The following PRRX1 variants were observed in gnomAD, a reference collection of about 807,000 sequenced individuals.
The protein encoded by PRRX1 is paired mesoderm homeobox protein 1.
In PRRX1, 8 loss-of-function variants were observed where a neutral mutation model predicts 24.0. That is an observed-to-expected ratio of 0.33 (90% CI 0.20 to 0.60). The LOEUF (loss-of-function observed/expected upper bound fraction) is 0.60, where lower values mean the gene tolerates loss of function less well. PRRX1 is among the 20% of genes least tolerant of loss of function. The pLI is 0.82. For synonymous variants in PRRX1, 160 were observed against 131.7 expected, an observed-to-expected ratio of 1.22 and a Z score of -1.47; for missense variants, 281 against 322.4, an observed-to-expected ratio of 0.87 and a Z score of 0.98.
chr1:170,701,308 G>C (rs1370398106), intron 1 of PRRX1, among the ~76,000 whole-genome samples: 3 of 151,970 alleles, frequency 2.0e-5, no homozygotes, highest in Non-Finnish European at 4.4e-5. Context: ...GCTCCTTGTG[G>C]GAAAGATTGA....
chr1:170,723,469 T>G (rs1469657984), intron 2 of PRRX1, among the ~76,000 whole-genome samples: 2 of 149,118 alleles, frequency 1.3e-5, no homozygotes, highest in Non-Finnish European at 2.9e-5. Flanking sequence ...CTCATCTCTC[T>G]CTTTCCAGCA....
At chr1:170,691,100 G>A (rs1653931329) in intron 1 of PRRX1, among the ~76,000 whole-genome samples, 1 of 152,134 alleles carries the variant, frequency 6.6e-6, no homozygotes, top group South Asian at 2.1e-4. Context: ...GCAAGGTAAT[G>A]TAGCCTTTCA....
chr1:170,689,618 A>C (rs1284901441), intron 1 of PRRX1, among the ~76,000 whole-genome samples: 2 of 152,036 alleles, frequency 1.3e-5, no homozygotes, highest in African/African-American at 2.4e-5. Flanking sequence ...TTTTTGTTTT[A>C]AACTTTCAGT....
intron 1 of PRRX1, among the ~76,000 whole-genome samples, chr1:170,673,029 A>AT (rs1653196366): frequency 6.6e-6 from 1 of 152,206 alleles, no homozygotes; most frequent in Non-Finnish European, 1.5e-5. Flanking sequence ...GCTGAGCTCA[A>AT]TTATATGTAA....
chr1:170,736,327 T>G lies in PRRX1; in HGVS notation c.*141T>G. 33 of 1,144,642 alleles carry G rather than the reference T, an allele frequency of 2.9e-5. No homozygotes were observed. Among genetic ancestry groups the G allele is most frequent in the Non-Finnish European group, 3.5e-5 (28 of 800,610 alleles). 70.9% of individuals were successfully genotyped at this position (1,144,642 alleles called of 1,614,324 possible). On this transcript the variant is annotated 3_prime_UTR_variant, in exon 4 of 4. Transcript: ENST00000239461. ...AAGCAGAACTAAAATATTGGGACCATGGCAGAGAAAAGCAGGAGAGGAGCA... is the reference window on the plus strand; with the variant it reads ...AAGCAGAACTAAAATATTGGGACCAGGGCAGAGAAAAGCAGGAGAGGAGCA...
chr1:170,694,449 CTA>C (rs1333444952), intron 1 of PRRX1, among the ~76,000 whole-genome samples: 1 of 152,030 alleles, frequency 6.6e-6, no homozygotes, highest in Non-Finnish European at 1.5e-5. Flanking sequence ...CTGTGAATGT[CTA>C]TGTGTATGTG....
chr1:170,710,944 A>G (rs2101911147), intron 1 of PRRX1, among the ~76,000 whole-genome samples: 1 of 152,326 alleles, frequency 6.6e-6, no homozygotes. Context: ...TGAGCTGACT[A>G]AGCCAACAAC....
At chr1:170,678,644 T>C (rs557623138) in intron 1 of PRRX1, among the ~76,000 whole-genome samples, 1 of 152,350 alleles carries the variant, frequency 6.6e-6, no homozygotes, top group Admixed American at 6.5e-5. Flanking sequence ...ACTGGGGATG[T>C]AGATAACTCT....
chr1:170,735,300 G>T (rs1420336888), intron 3 of PRRX1, among the ~76,000 whole-genome samples: 1 of 152,182 alleles, frequency 6.6e-6, no homozygotes, highest in Non-Finnish European at 1.5e-5. Flanking sequence ...GTGAGAAACA[G>T]TTACCTCTGA....
chr1:170,709,423 G>T (rs1378747795), intron 1 of PRRX1, among the ~76,000 whole-genome samples: 1 of 152,184 alleles, frequency 6.6e-6, no homozygotes, highest in Non-Finnish European at 1.5e-5. Context: ...GAGTGATTGG[G>T]TGAGAAATAA....
chr1:170,701,621 G>T (rs1294125910), intron 1 of PRRX1, among the ~76,000 whole-genome samples: 1 of 152,110 alleles, frequency 6.6e-6, no homozygotes, highest in African/African-American at 2.4e-5. Context: ...TTTAAGGAAA[G>T]ATTTTATTCG....
At chr1:170,720,699 A>G (rs1655054788) in intron 2 of PRRX1, among the ~76,000 whole-genome samples, 1 of 152,214 alleles carries the variant, frequency 6.6e-6, no homozygotes, top group Non-Finnish European at 1.5e-5. Flanking sequence ...ATACTTATGA[A>G]CTGAGTTAAG....
intron 2 of PRRX1, among the ~76,000 whole-genome samples, chr1:170,723,228 A>G (rs894124501): frequency 6.6e-6 from 1 of 152,120 alleles, no homozygotes. Context: ...GCCAATTTCC[A>G]CCCAGGCCCT....
chr1:170,725,121 T>C (rs1176470731), intron 2 of PRRX1, among the ~76,000 whole-genome samples: 5 of 152,096 alleles, frequency 3.3e-5, no homozygotes, highest in Non-Finnish European at 1.5e-5. Flanking sequence ...GATTTTTGCA[T>C]ACTGATTTTG....
chr1:170,682,182 G>A (rs1030856670), intron 1 of PRRX1, among the ~76,000 whole-genome samples: 15 of 152,004 alleles, frequency 9.9e-5, no homozygotes, highest in African/African-American at 3.1e-4. Context: ...TACTGGTATA[G>A]GACCAAAATT....
intron 1 of PRRX1, among the ~76,000 whole-genome samples, chr1:170,696,166 A>G (rs148887508): frequency 7.2e-5 from 11 of 152,108 alleles, no homozygotes; most frequent in African/African-American, 2.2e-4. Flanking sequence ...CATGAAAAGT[A>G]TCCGGGCCAT....
intron 1 of PRRX1, among the ~76,000 whole-genome samples, chr1:170,669,988 A>G (rs1044331232): frequency 6.6e-6 from 1 of 152,156 alleles, no homozygotes; most frequent in Admixed American, 6.5e-5. Flanking sequence ...AAAATGTAAA[A>G]CGTGGGGGCT....
intron 1 of PRRX1, among the ~76,000 whole-genome samples, chr1:170,710,239 G>A (rs1654702646): frequency 1.3e-5 from 2 of 152,162 alleles, no homozygotes; most frequent in Admixed American, 1.3e-4. Context: ...ATATAATTCA[G>A]TCATCATGCT....
At chr1:170,698,774 C>T (rs1211003030) in intron 1 of PRRX1, among the ~76,000 whole-genome samples, 1 of 152,128 alleles carries the variant, frequency 6.6e-6, no homozygotes, top group Non-Finnish European at 1.5e-5. Context: ...AAAACCTTGT[C>T]AGTCCAGCAG....
Sources: allele counts gnomAD v4.1 joint callset (sites outside exome capture counted in the v4.1 genomes callset), GRCh38; gene constraint gnomAD v4.1.1; transcripts MANE v1.5; gene names NCBI Gene and HGNC (gene_info 2026-07-23, HGNC 2026-07-21).